KIF26B: variants seen among roughly 807,000 people sequenced by gnomAD.
KIF26B encodes kinesin family member 26B.
Under a neutral mutation model 151.2 loss-of-function variants are expected in KIF26B, and 63 were observed. That is an observed-to-expected ratio of 0.42 (90% confidence interval 0.34 to 0.51). KIF26B has a LOEUF of 0.51. KIF26B is among the 20% of genes least tolerant of loss of function. The pLI, the probability that KIF26B is intolerant of heterozygous loss-of-function variation, is 0.07. For missense variants in KIF26B, 2,813 were observed against 2,913.6 expected (o/e 0.97, Z 0.79); for synonymous variants, 1,357 against 1,262.1 (o/e 1.08, Z -1.59).
At chr1:245,263,309 C>T (rs185983310) in intron 2 of KIF26B, among the ~76,000 whole-genome samples, 3 of 152,298 alleles carry the variant, frequency 2.0e-5, no homozygotes, top group East Asian at 1.9e-4. Context: ...TTGTTCCACT[C>T]GGAAGGGAAG....
At chr1:245,310,516 G>A (rs2102982095) in intron 2 of KIF26B, among the ~76,000 whole-genome samples, 1 of 152,294 alleles carries the variant, frequency 6.6e-6, no homozygotes, top group Non-Finnish European at 1.5e-5. Context: ...CTCGTTCAAG[G>A]TCACCTAGCT....
intron 2 of KIF26B, among the ~76,000 whole-genome samples, chr1:245,313,288 C>T (rs996290104): frequency 1.3e-5 from 2 of 152,222 alleles, no homozygotes; most frequent in Non-Finnish European, 2.9e-5. Flanking sequence ...TATGCAAAGT[C>T]CCCTGTGGGG....
rs754956450 is a variant in KIF26B at position 245,688,143 on chromosome 1, C to T, written c.5160C>T (p.Ser1720=). ...LGRSAGTSPP[S]SGASPKAGQS... is the part of the protein sequence containing the mutation. ...GCAGCGCCGGGACCTCGCCCCCCAGCTCCGGGGCCTCGCCCAAGGCCGGCC... is the reference window on the plus strand; with the variant it reads ...GCAGCGCCGGGACCTCGCCCCCCAGTTCCGGGGCCTCGCCCAAGGCCGGCC... Residue 1720 remains serine, a synonymous_variant, in exon 12 of 15, where the codon AGC becomes AGT. Transcript: ENST00000407071. 6.3e-7 allele frequency: 1 copy of T among 1,592,244 alleles called. No homozygotes were observed. The highest frequency in any genetic ancestry group is 2.2e-5 in the East Asian group (1 of 44,446).
chr1:245,246,914 GACAC>G (rs1195534937), intron 2 of KIF26B, among the ~76,000 whole-genome samples: 2 of 133,742 alleles, frequency 1.5e-5, no homozygotes, highest in Non-Finnish European at 3.4e-5. Flanking sequence ...CACAGACACA[GACAC>G]ACACAGACAC....
In KIF26B at chr1:245,698,871, T is replaced by C; in HGVS notation, c.6028-16T>C. The C allele has an allele frequency of 1.2e-6, 2 of 1,610,418 alleles. No homozygotes were observed. The highest frequency in any genetic ancestry group is 1.7e-6 in the Non-Finnish European group (2 of 1,177,536). On this transcript the variant is annotated splice_polypyrimidine_tract_variant and intron_variant, in intron 13 of 14. Transcript: ENST00000407071. The surrounding 1 kb of genome is among the most constrained non-coding windows in gnomAD (Gnocchi z 4.0). ...GTGAGCAGAAGGGCCCTTTCTCCTC[T>C]CTGTCTGTGTGCTAGGAGGCCATGT...
intron 5 of KIF26B, among the ~76,000 whole-genome samples, chr1:245,575,974 A>C (rs910469656): frequency 1.3e-5 from 2 of 151,996 alleles, no homozygotes; most frequent in South Asian, 2.1e-4. Flanking sequence ...GCCAGAGATC[A>C]CACCTCCCAC....
intron 2 of KIF26B, among the ~76,000 whole-genome samples, chr1:245,360,786 C>A (rs1402655134): frequency 6.6e-6 from 1 of 152,082 alleles, no homozygotes; most frequent in Admixed American, 6.6e-5. Flanking sequence ...CTGAGGTGGG[C>A]AGATCACCTG....
intron 3 of KIF26B, among the ~76,000 whole-genome samples, chr1:245,412,658 T>G (rs924675019): frequency 7.9e-5 from 12 of 152,144 alleles, no homozygotes; most frequent in African/African-American, 2.4e-4. Flanking sequence ...GGTAACCACA[T>G]TTGGGATTCT....
chr1:245,624,323 A>G (rs1056140603), intron 9 of KIF26B, among the ~76,000 whole-genome samples: 2 of 151,554 alleles, frequency 1.3e-5, no homozygotes, highest in Non-Finnish European at 2.9e-5. Flanking sequence ...TGTACCATAT[A>G]GTAGATGTTT....
At chr1:245,376,977 T>G (rs1005039827) in intron 3 of KIF26B, among the ~76,000 whole-genome samples, 1 of 138,846 alleles carries the variant, frequency 7.2e-6, no homozygotes, top group African/African-American at 2.7e-5. Context: ...CGTGAGCCAC[T>G]GTGCCTGGCT....
At position 245,166,314 on chromosome 1, in the gene KIF26B, G is replaced by A. The variant is rs965051297; in HGVS notation, c.465+9631G>A. On this transcript the variant is annotated intron_variant, in intron 2 of 14. Coordinates refer to ENST00000407071, the MANE Select transcript of KIF26B (RefSeq NM_018012.4). The surrounding 1 kb of genome is among the most constrained non-coding windows in gnomAD (Gnocchi z 4.5). ...TTCCTTCCTTCCTTCCATCTGACAC[G>A]AAAATGGAGAAACAGCAGTCAGAGA... 6.6e-6 allele frequency among the ~76,000 whole-genome samples: 1 copy of A among 151,654 alleles called. No individual in the cohort carries two copies. Among genetic ancestry groups the A allele is most frequent in the Non-Finnish European group, 1.5e-5 (1 of 67,996 alleles).
intron 2 of KIF26B, among the ~76,000 whole-genome samples, chr1:245,355,482 G>A (rs906506527): frequency 1.3e-5 from 2 of 151,842 alleles, no homozygotes; most frequent in Non-Finnish European, 2.9e-5. Context: ...TGTAGTCCCA[G>A]CTATTTGGAA....
intron 2 of KIF26B, among the ~76,000 whole-genome samples, chr1:245,193,848 C>T (rs1669149786): frequency 6.6e-6 from 1 of 152,154 alleles, no homozygotes; most frequent in African/African-American, 2.4e-5. Flanking sequence ...CCAAGGCTGC[C>T]ATCTGATGAA....
rs1444711983 is a variant in KIF26B at position 245,394,684 on chromosome 1, C to CTTTTTTTT, written c.1000-24892_1000-24891insTTTTTTTT. On this transcript the variant is annotated intron_variant, in intron 3 of 14. Coordinates refer to ENST00000407071, the MANE Select transcript of KIF26B (RefSeq NM_018012.4). Reference sequence around the variant, plus strand: ...TTAAAAAGTACCTTCAAGTTTTTTTCTTTCTTTTTTTTTTTTTTTTTTTGA... The same window carrying CTTTTTTTT: ...TTAAAAAGTACCTTCAAGTTTTTTTCTTTTTTTTTTTCTTTTTTTTTTTTTTTTTTTGA... Among the ~76,000 whole-genome samples the CTTTTTTTT allele has an allele frequency of 6.6e-4, 82 of 124,402 alleles. 4 individuals carry two copies. The highest frequency in any genetic ancestry group is 8.7e-4 in the African/African-American group (22 of 25,250). 81.6% of individuals were successfully genotyped at this position (124,402 alleles called of 152,430 possible). A position where few individuals can be genotyped will look rare whatever the true frequency, so the allele number is the denominator to read the frequency against.
intron 9 of KIF26B, among the ~76,000 whole-genome samples, chr1:245,641,930 CTTTG>C (rs1353319390): frequency 6.6e-6 from 1 of 152,184 alleles, no homozygotes; most frequent in Non-Finnish European, 1.5e-5. Context: ...CCTAGTCTGG[CTTTG>C]TTTGTGCCTG....
intron 10 of KIF26B, among the ~76,000 whole-genome samples, chr1:245,666,553 T>C (rs1442687852): frequency 6.6e-6 from 1 of 152,000 alleles, no homozygotes; most frequent in Non-Finnish European, 1.5e-5. Context: ...GTAGCTTATT[T>C]GTTTGAATAA....
intron 2 of KIF26B, among the ~76,000 whole-genome samples, chr1:245,215,233 G>A (rs1669620236): frequency 6.6e-6 from 1 of 152,120 alleles, no homozygotes; most frequent in African/African-American, 2.4e-5. Flanking sequence ...GGGAGGAAGG[G>A]TGGCCGAGTA....
intron 2 of KIF26B, among the ~76,000 whole-genome samples, chr1:245,180,580 T>C (rs1360815286): frequency 1.3e-5 from 2 of 152,226 alleles, no homozygotes; most frequent in Non-Finnish European, 2.9e-5. Context: ...TGACCTTGAC[T>C]AAATGTGGCC....
Position 245,426,815 on chromosome 1 carries a change from G to A in KIF26B, c.1166+7070G>A, listed in dbSNP as rs553636857. Among the ~76,000 whole-genome samples the A allele has an allele frequency of 3.5e-3, 531 of 152,332 alleles. 3 individuals are homozygous for A. The highest frequency in any genetic ancestry group is 6.2e-3 in the Non-Finnish European group (422 of 68,032). On this transcript the variant is annotated intron_variant, in intron 4 of 14. Transcript: ENST00000407071. ...GCTGTGTATCCTCATGTGACCATACGGAGAGCTGTTACTGGTCTGATGACC... is the reference window on the plus strand; with the variant it reads ...GCTGTGTATCCTCATGTGACCATACAGAGAGCTGTTACTGGTCTGATGACC...
Sources: allele counts gnomAD v4.1 joint callset (sites outside exome capture counted in the v4.1 genomes callset), GRCh38; gene constraint gnomAD v4.1.1; non-coding constraint Gnocchi (gnomAD v3.1); transcripts MANE v1.5; gene names NCBI Gene and HGNC (gene_info 2026-07-23, HGNC 2026-07-21).